The following SLC41A3 variants were observed in gnomAD, a reference collection of about 807,000 sequenced individuals.
SLC41A3 encodes SLC41A1-like 2.
A neutral mutation model predicts 45.4 loss-of-function variants in SLC41A3; 44 were observed. That is an observed-to-expected ratio of 0.97 (90% CI 0.76 to 1.25). SLC41A3 has a LOEUF of 1.25. SLC41A3 is among the 50% of genes most tolerant of loss of function. SLC41A3 has a pLI of 0.00. For missense variants in SLC41A3, 550 were observed against 600.6 expected (o/e 0.92, Z 0.88); for synonymous variants, 256 against 252.4 (o/e 1.01, Z -0.13).
At chr3:126,040,226 C>A (rs79859758) in intron 3 of SLC41A3, among the ~76,000 whole-genome samples, 2,035 of 152,310 alleles carry the variant, frequency 0.013, 30 homozygotes, top group African/African-American at 0.031. Context: ...TATCTATCTA[C>A]ATACATATTA....
chr3:126,067,819 GA>G (rs36125006), intron 2 of SLC41A3, 127 bp downstream of exon 2: 23,433 of 1,076,028 alleles, frequency 0.022, 236 homozygotes, highest in Middle Eastern at 0.026. Flanking sequence ...CCAATATATA[GA>G]AAAAAAAAAT....
chr3:126,085,007 C>T (rs1247867431), upstream of SLC41A3, among the ~76,000 whole-genome samples: 1 of 152,228 alleles, frequency 6.6e-6, no homozygotes, highest in Non-Finnish European at 1.5e-5. Flanking sequence ...TATCCGAATA[C>T]TTCATCTGCG....
At chr3:126,046,727 C>A (rs190530721) in intron 3 of SLC41A3, among the ~76,000 whole-genome samples, 1 of 150,022 alleles carries the variant, frequency 6.7e-6, no homozygotes, top group Non-Finnish European at 1.5e-5. Flanking sequence ...TTTGGGAGGT[C>A]GAGGTAGGTG....
rs769461567 is a variant in SLC41A3, at chr3:126,051,043, G to A, written c.281C>T (p.Pro94Leu). The change falls in exon 3 of 11, where the codon CCT becomes CTT. Residue 94 changes from proline to leucine, a missense_variant. By Grantham distance (98) the Pro-to-Leu change is moderately conservative. Transcript: ENST00000360370. ...GMLLDYFQHW[P>L]VFVEVKDLLT... ...AAGGTCTTTCACCTCCACAAACACA[G>A]GCCAGTGCTGGTAGGGAAACAGTAA... The A allele has an allele frequency of 1.2e-6, 2 of 1,604,472 alleles. No homozygotes were observed. The highest frequency in any genetic ancestry group is 3.4e-5 in the Admixed American group (2 of 59,004).
At chr3:126,069,545 G>A (rs750428466) in intron 1 of SLC41A3, among the ~76,000 whole-genome samples, 2 of 152,076 alleles carry the variant, frequency 1.3e-5, no homozygotes, top group Non-Finnish European at 2.9e-5. Context: ...CACCTGTCAC[G>A]TTATATACTG....
At position 126,008,885 on chromosome 3, in the gene SLC41A3, A is replaced by C; in HGVS notation, c.1106-5T>G. ...GAGCTGACATGGAATTGATTTCTGA[A>C]AGAAACAGAACCAAGAAGGTCATGT... On this transcript the variant is annotated splice_polypyrimidine_tract_variant and splice_region_variant and intron_variant, in intron 9 of 10. Transcript: ENST00000360370. 1 of 1,613,792 alleles carries C rather than the reference A, an allele frequency of 6.2e-7. No individual in the cohort carries two copies. Among genetic ancestry groups the C allele is most frequent in the African/African-American group, 1.3e-5 (1 of 75,054 alleles).
chr3:126,096,309 T>A (rs1374146579), intron 1 of SLC41A3, among the ~76,000 whole-genome samples: 1 of 152,150 alleles, frequency 6.6e-6, no homozygotes, highest in Non-Finnish European at 1.5e-5. Flanking sequence ...CTATGAGAAG[T>A]AGCTCACCGT....
chr3:126,093,909 C>A (rs114730185), intron 1 of SLC41A3, among the ~76,000 whole-genome samples: 2,758 of 152,234 alleles, frequency 0.018, 67 homozygotes, highest in Admixed American at 0.065. Flanking sequence ...GTGGACATTT[C>A]GATCATTTCT....
upstream of SLC41A3, among the ~76,000 whole-genome samples, chr3:126,086,069 C>A (rs1341108772): frequency 6.6e-6 from 1 of 152,088 alleles, no homozygotes; most frequent in East Asian, 1.9e-4. Flanking sequence ...CACACAAAAA[C>A]CCTAGGCCAC....
At chr3:126,042,959 A>T (rs1338472422) in intron 3 of SLC41A3, among the ~76,000 whole-genome samples, 1 of 152,062 alleles carries the variant, frequency 6.6e-6, no homozygotes, top group Non-Finnish European at 1.5e-5. Context: ...GGAAAGAGAT[A>T]AGTGGGCAGA....
rs78474903 is a variant in SLC41A3 at position 126,008,084 on chromosome 3, G to C, written c.1254+648C>G. 1.9e-3 allele frequency among the ~76,000 whole-genome samples: 292 copies of C among 152,372 alleles called. 1 individual carries two copies. The highest frequency in any genetic ancestry group is 6.9e-3 in the African/African-American group (286 of 41,586). On this transcript the variant is annotated intron_variant, in intron 10 of 10. Coordinates refer to ENST00000360370, the MANE Select transcript of SLC41A3 (RefSeq NM_017836.4). ...CCGTTGGGGAGGCAGTGGATAGCTG[G>C]ACCACTCCTCAGCCTGTTCCGTGGG... is the stretch of plus-strand genomic sequence containing the variant.
At chr3:126,029,375 C>G (rs77238226) in intron 4 of SLC41A3, among the ~76,000 whole-genome samples, 2 of 151,864 alleles carry the variant, frequency 1.3e-5, no homozygotes, top group African/African-American at 2.4e-5. Flanking sequence ...CTCCCTCCCC[C>G]ACCACTCTCT....
chr3:126,043,265 A>G (rs2107827490), intron 3 of SLC41A3, among the ~76,000 whole-genome samples: 1 of 152,238 alleles, frequency 6.6e-6, no homozygotes, highest in Non-Finnish European at 1.5e-5. Flanking sequence ...GCTGGATAAA[A>G]ACACCTGTCA....
intron 2 of SLC41A3, among the ~76,000 whole-genome samples, chr3:126,055,556 T>C (rs867198124): frequency 1.3e-5 from 2 of 152,186 alleles, no homozygotes; most frequent in African/African-American, 4.8e-5. Flanking sequence ...ACCATATATG[T>C]ATATGTTTAT....
intron 1 of SLC41A3, among the ~76,000 whole-genome samples, chr3:126,096,380 A>G (rs930547636): frequency 3.4e-5 from 5 of 146,832 alleles, no homozygotes; most frequent in African/African-American, 1.3e-4. Context: ...TGTTGGGAAC[A>G]GCCCCCCCAC....
intron 6 of SLC41A3, among the ~76,000 whole-genome samples, chr3:126,020,308 G>C (rs1257611759): frequency 1.3e-5 from 2 of 151,560 alleles, no homozygotes; most frequent in Non-Finnish European, 2.9e-5. Context: ...TGTGATGGGA[G>C]GGGGGGCCTC....
intron 2 of SLC41A3, chr3:126,067,730 T>C: frequency 1.7e-6 from 1 of 599,278 alleles, no homozygotes. Flanking sequence ...ACATCAATCA[T>C]ATGGGCTAAT....
At position 126,022,973 on chromosome 3, in the gene SLC41A3, G is replaced by T. The variant is rs377548082; in HGVS notation, c.599-41C>A. The T allele has an allele frequency of 2.5e-5, 41 of 1,611,560 alleles. 1 individual carries two copies. In the East Asian group the frequency reaches 3.8e-4, roughly 15 times the overall value. On this transcript the variant is annotated intron_variant, in intron 5 of 10. Transcript: ENST00000360370. ...GGAGAAACAGCAGACTCAAATCCCA[G>T]GGAGCCAGATGGCTCTGAGCAGGCA...
rs1944432119 is a variant in SLC41A3 at position 126,067,933 on chromosome 3, T to A, written c.273+14A>T. 6.4e-7 allele frequency: 1 copy of A among 1,571,948 alleles called. No homozygotes were observed. The highest frequency in any genetic ancestry group is 2.3e-5 in the East Asian group (1 of 44,444). On this transcript the variant is annotated intron_variant, in intron 2 of 10. Coordinates refer to ENST00000360370, the MANE Select transcript of SLC41A3 (RefSeq NM_017836.4). ...CAGTGCCCCGCTCCCTGTCCCCATT[T>A]AGTTCCCTCTTACCTGGAAATAGTC...
Sources: allele counts gnomAD v4.1 joint callset (sites outside exome capture counted in the v4.1 genomes callset), GRCh38; gene constraint gnomAD v4.1.1; transcripts MANE v1.5; gene names NCBI Gene and HGNC (gene_info 2026-07-23, HGNC 2026-07-21).